ZNHIT6: variants seen among roughly 807,000 people sequenced by gnomAD.
ZNHIT6 encodes box C/D snoRNA protein 1.
In ZNHIT6, 45 loss-of-function variants were observed where a neutral mutation model predicts 57.2. That is an observed-to-expected ratio of 0.79 (90% CI 0.62 to 1.01). The LOEUF (loss-of-function observed/expected upper bound fraction) is 1.01. Ranked by LOEUF, ZNHIT6 falls within the 50% of genes least tolerant of loss-of-function variation. The pLI, the probability that ZNHIT6 is intolerant of heterozygous loss-of-function variation, is 0.00. For missense variants in ZNHIT6, 528 were observed against 567.3 expected (o/e 0.93, Z 0.70); for synonymous variants, 188 against 190.0 (o/e 0.99, Z 0.09).
chr1:85,706,479 T>A lies in ZNHIT6; in HGVS notation c.685A>T (p.Lys229Ter), dbSNP rs1240135788. The change falls in exon 2 of 10, where the codon AAG becomes TAG. Residue 229 changes from lysine (K) to a stop codon, truncating the protein, a stop_gained. Coordinates refer to ENST00000370574, the MANE Select transcript of ZNHIT6 (RefSeq NM_017953.4). LOFTEE classifies it high-confidence loss of function. ...RCETCGTEEA[K>*]YRCPRCMRYS... ...CGCATACAACGTGGACATCTGTACT[T>A]TGCTTCTTCTGTACCACAAGTCTCA... The A allele has an allele frequency of 6.3e-7, 1 of 1,594,530 alleles. No individual in the cohort carries two copies. The highest frequency in any genetic ancestry group is 1.9e-5 in the Admixed American group (1 of 52,358).
chr1:85,697,256 T>C (rs373188991), intron 5 of ZNHIT6, among the ~76,000 whole-genome samples: 13 of 152,218 alleles, frequency 8.5e-5, no homozygotes, highest in African/African-American at 3.1e-4. Flanking sequence ...GTGTCATATA[T>C]GTTAAAGACT....
In ZNHIT6 at chr1:85,653,915, T is replaced by C. The variant is rs932668467; in HGVS notation, c.*143A>G. On this transcript the variant is annotated 3_prime_UTR_variant, in exon 10 of 10. Transcript: ENST00000370574. Reference sequence around the variant, plus strand: ...ATTCAAGAGGTTATAAAATACATTTTTTAAAAGAGTTAAGCTTATTTTTCA... The same window carrying C: ...ATTCAAGAGGTTATAAAATACATTTCTTAAAAGAGTTAAGCTTATTTTTCA... 4 of 641,886 alleles carry C rather than the reference T, an allele frequency of 6.2e-6. No homozygotes were observed. The highest frequency in any genetic ancestry group is 2.5e-4 in the Middle Eastern group (1 of 3,954). The allele number at this position is 641,886 out of a possible 1,614,324, so 39.8% of individuals were successfully genotyped here.
At chr1:85,692,066 G>A (rs1363986623) in intron 5 of ZNHIT6, among the ~76,000 whole-genome samples, 1 of 152,166 alleles carries the variant, frequency 6.6e-6, no homozygotes, top group Non-Finnish European at 1.5e-5. Context: ...CTTCTCAGGA[G>A]GCTGAGGCAG....
At chr1:85,699,702 C>T (rs78313974) in intron 5 of ZNHIT6, among the ~76,000 whole-genome samples, 9,351 of 152,070 alleles carry the variant, frequency 0.061, 374 homozygotes, top group African/African-American at 0.11. Context: ...CCAGTAATTC[C>T]GCTTTCTAGG....
chr1:85,665,230 T>G (rs763465523), intron 8 of ZNHIT6, among the ~76,000 whole-genome samples: 3 of 152,190 alleles, frequency 2.0e-5, no homozygotes, highest in Non-Finnish European at 4.4e-5. Context: ...TTTTGCTCAA[T>G]TTTATTGAGG....
intron 8 of ZNHIT6, among the ~76,000 whole-genome samples, chr1:85,664,129 A>T (rs1208624090): frequency 2.6e-5 from 4 of 152,180 alleles, no homozygotes; most frequent in Non-Finnish European, 4.4e-5. Context: ...CATGGACGAT[A>T]TCTTAAAATG....
At position 85,708,310 on chromosome 1, in the gene ZNHIT6, G is replaced by A. The variant is rs375623817; in HGVS notation, c.-26C>T. ...CAACTCACGATCCTTGGCCTCTGCT[G>A]CCACTCTATCCTTCAATGTGGCTGC... On this transcript the variant is annotated 5_prime_UTR_variant, in exon 1 of 10. Transcript: ENST00000370574. 3.1e-5 allele frequency: 48 copies of A among 1,570,604 alleles called. No individual in the cohort carries two copies. Among genetic ancestry groups the A allele is most frequent in the Non-Finnish European group, 3.6e-5 (42 of 1,157,910 alleles).
chr1:85,705,272 G>T (rs1306657047), intron 4 of ZNHIT6, among the ~76,000 whole-genome samples: 1 of 151,754 alleles, frequency 6.6e-6, no homozygotes, highest in African/African-American at 2.4e-5. Flanking sequence ...GGAGTGTAGT[G>T]GCGCAATCAT....
intron 5 of ZNHIT6, among the ~76,000 whole-genome samples, chr1:85,695,246 T>A (rs906945448): frequency 6.6e-6 from 1 of 151,692 alleles, no homozygotes; most frequent in African/African-American, 2.4e-5. Context: ...CCAGCCTGGG[T>A]GACAGATGGA....
In ZNHIT6 at chr1:85,650,182, A is replaced by C. The variant is rs1262275216; in HGVS notation, c.*3876T>G. 6.6e-6 allele frequency: 1 copy of C among 152,226 alleles called. No homozygotes were observed. The highest frequency in any genetic ancestry group is 1.5e-5 in the Non-Finnish European group (1 of 68,050). 9.4% of individuals were successfully genotyped at this position (152,226 alleles called of 1,614,324 possible). ...GATCCAATCTGGGCAAAATAAAAGT[A>C]CTTCTCCAAAATTTTACATAGCTTG... On this transcript the variant is annotated 3_prime_UTR_variant, in exon 10 of 10. Coordinates refer to ENST00000370574, the MANE Select transcript of ZNHIT6 (RefSeq NM_017953.4).
At chr1:85,685,410 A>G (rs1662000466) in intron 5 of ZNHIT6, among the ~76,000 whole-genome samples, 1 of 152,232 alleles carries the variant, frequency 6.6e-6, no homozygotes, top group Non-Finnish European at 1.5e-5. Flanking sequence ...GTTGAATGAT[A>G]GCCTTTATAT....
chr1:85,708,301 G>C lies in ZNHIT6; in HGVS notation c.-17C>G. Reference sequence around the variant, plus strand: ...AAACTCCATCAACTCACGATCCTTGGCCTCTGCTGCCACTCTATCCTTCAA... The same window carrying C: ...AAACTCCATCAACTCACGATCCTTGCCCTCTGCTGCCACTCTATCCTTCAA... On this transcript the variant is annotated 5_prime_UTR_variant, in exon 1 of 10. Transcript: ENST00000370574. 2 of 1,577,554 alleles carry C rather than the reference G, an allele frequency of 1.3e-6. No homozygotes were observed. Among genetic ancestry groups the C allele is most frequent in the Non-Finnish European group, 1.7e-6 (2 of 1,161,010 alleles).
At position 85,649,657 on chromosome 1, in the gene ZNHIT6, CA is replaced by C. The variant is rs1266572449; in HGVS notation, c.*4400del. On this transcript the variant is annotated 3_prime_UTR_variant, in exon 10 of 10. Transcript: ENST00000370574. ...TACTTTTTAGTCAAGTACAGATCCC[CA>C]AAGGTTTATTTAAAGCCAATTTTTA... 2.0e-5 allele frequency: 3 copies of C among 152,096 alleles called. No individual in the cohort carries two copies. Among genetic ancestry groups the C allele is most frequent in the African/African-American group, 7.2e-5 (3 of 41,420 alleles). 9.4% of individuals were successfully genotyped at this position (152,096 alleles called of 1,614,324 possible).
chr1:85,676,197 G>T (rs1661697406), intron 8 of ZNHIT6, among the ~76,000 whole-genome samples: 1 of 152,028 alleles, frequency 6.6e-6, no homozygotes, highest in African/African-American at 2.4e-5. Context: ...TTAGCCGGGC[G>T]TGGTGGCACA....
At chr1:85,687,781 G>C (rs1372497832) in intron 5 of ZNHIT6, among the ~76,000 whole-genome samples, 1 of 152,124 alleles carries the variant, frequency 6.6e-6, no homozygotes, top group Non-Finnish European at 1.5e-5. Context: ...GCTAAAGCTA[G>C]ACATTCCACA....
At chr1:85,689,984 A>C (rs902137462) in intron 5 of ZNHIT6, among the ~76,000 whole-genome samples, 1 of 152,228 alleles carries the variant, frequency 6.6e-6, no homozygotes, top group Non-Finnish European at 1.5e-5. Flanking sequence ...GTTTCATATT[A>C]ACTGCGGAGA....
At chr1:85,680,784 T>C in intron 6 of ZNHIT6, 52 bp downstream of exon 6, 1 of 1,377,446 alleles carries the variant, frequency 7.3e-7, no homozygotes, top group East Asian at 2.3e-5. Flanking sequence ...TTATTTTAAA[T>C]ACACAGCCTT....
Position 85,680,893 on chromosome 1 carries a change from A to G in ZNHIT6, c.1031T>C (p.Phe344Ser), listed in dbSNP as rs1230679559. ...AAACTGGAGCTTCACATGCCAACAA[A>G]ACTGTTGTTTTCTAAGAGAGAAAAT... ...STFFDKKKQQ[F>S]CWHVKLQFPQ... is the part of the protein sequence containing the mutation. Residue 344 changes from phenylalanine (F) to serine (S), a missense_variant, in exon 6 of 10, where the codon TTT (phenylalanine) becomes TCT (serine). Physicochemically the swap from Phe to Ser is radical, Grantham distance 155 (BLOSUM62 -2). Transcript: ENST00000370574. 1.2e-6 allele frequency: 2 copies of G among 1,612,162 alleles called. No individual in the cohort carries two copies. The highest frequency in any genetic ancestry group is 1.7e-6 in the Non-Finnish European group (2 of 1,179,152).
chr1:85,661,260 C>G (rs768809574), intron 8 of ZNHIT6, among the ~76,000 whole-genome samples: 5 of 152,072 alleles, frequency 3.3e-5, no homozygotes, highest in Non-Finnish European at 7.4e-5. Flanking sequence ...GTTAAAGTTC[C>G]GGCTCCATCA....
Sources: gnomAD v4.1 joint callset for allele counts (sites outside exome capture counted in the v4.1 genomes callset) on GRCh38, gnomAD v4.1.1 for gene constraint, MANE v1.5 for transcripts, NCBI Gene and HGNC (gene_info 2026-07-23, HGNC 2026-07-21) for gene names.